LUZP2: variants seen among roughly 807,000 people sequenced by gnomAD.
The protein encoded by LUZP2 is leucine zipper protein 2.
In LUZP2, 52 loss-of-function variants were observed where a neutral mutation model predicts 51.6. That is an observed-to-expected ratio of 1.01 (90% CI 0.81 to 1.27). LUZP2 has a LOEUF of 1.27. Among genes scored for constraint, LUZP2 ranks in the 50% most tolerant of loss-of-function variants. The pLI, the probability that LUZP2 is intolerant of heterozygous loss-of-function variation, is 0.00. For missense variants in LUZP2, 436 were observed against 395.4 expected, an observed-to-expected ratio of 1.10 and a Z score of -0.87; for synonymous variants, 154 against 137.3, an observed-to-expected ratio of 1.12 and a Z score of -0.85.
At position 24,611,959 on chromosome 11, in the gene LUZP2, T is replaced by C. The variant is rs1300505684; in HGVS notation, c.62+114654T>C. 1.3e-5 allele frequency among the ~76,000 whole-genome samples: 2 copies of C among 152,172 alleles called. No homozygotes were observed. Among genetic ancestry groups the C allele is most frequent in the Non-Finnish European group, 2.9e-5 (2 of 68,018 alleles). ...AGAAGTTTAAACTTTGAAAAACATG[T>C]CATTGATGACTTCAGGAAGAAGCAT... On this transcript the variant is annotated intron_variant, in intron 1 of 11. Transcript: ENST00000336930. The surrounding 1 kb of genome is among the most constrained non-coding windows in gnomAD (Gnocchi z 4.6).
At chr11:24,759,517 T>C (rs892671671) in intron 4 of LUZP2, among the ~76,000 whole-genome samples, 2 of 152,150 alleles carry the variant, frequency 1.3e-5, no homozygotes, top group African/African-American at 2.4e-5. Context: ...AGTCTTGACA[T>C]GGTAATGTAT....
At position 24,998,085 on chromosome 11, in the gene LUZP2, A is replaced by T. The variant is rs867374909; in HGVS notation, c.765+14792A>T. Among the ~76,000 whole-genome samples, 165 of 152,056 alleles carry T rather than the reference A, an allele frequency of 1.1e-3. 1 individual carries two copies. Among genetic ancestry groups the T allele is most frequent in the South Asian group, 2.3e-3 (11 of 4,826 alleles). ...TCCAGCTTTGTTCTTTTTGCTTAGGATTGACTTGGCGATGCGGGCTCTGTT... is the reference window on the plus strand; with the variant it reads ...TCCAGCTTTGTTCTTTTTGCTTAGGTTTGACTTGGCGATGCGGGCTCTGTT... On this transcript the variant is annotated intron_variant, in intron 9 of 11. Transcript: ENST00000336930.
At chr11:24,710,985 G>C (rs992294491) in intron 1 of LUZP2, among the ~76,000 whole-genome samples, 4 of 149,308 alleles carry the variant, frequency 2.7e-5, no homozygotes, top group African/African-American at 1.0e-4. Flanking sequence ...AAAGAAAGAA[G>C]GGAGGGAGGT....
Position 24,871,242 on chromosome 11 carries a change from T to A in LUZP2, c.397-34749T>A, listed in dbSNP as rs550153285. Among the ~76,000 whole-genome samples, 4 of 152,200 alleles carry A rather than the reference T, an allele frequency of 2.6e-5. No individual in the cohort carries two copies. The South Asian group carries it at 8.3e-4, about 32-fold the overall frequency. On this transcript the variant is annotated intron_variant, in intron 5 of 11. Coordinates refer to ENST00000336930, the MANE Select transcript of LUZP2 (RefSeq NM_001009909.4). ...TTTTAAAAATGAATTTGATATAAAT[T>A]TATATCTCTTTGAATTTAAATTACT... is the stretch of plus-strand genomic sequence containing the variant.
At chr11:24,737,708 A>T (rs1453207095) in intron 3 of LUZP2, among the ~76,000 whole-genome samples, 1 of 152,098 alleles carries the variant, frequency 6.6e-6, no homozygotes, top group Admixed American at 6.6e-5. Flanking sequence ...GACAGGCCTT[A>T]AGTTAAAATA....
At chr11:24,511,146 C>T (rs1435764892) in intron 1 of LUZP2, among the ~76,000 whole-genome samples, 1 of 152,120 alleles carries the variant, frequency 6.6e-6, no homozygotes, top group Non-Finnish European at 1.5e-5. Context: ...TGTGCCTTCC[C>T]TTCTGACTGT....
chr11:24,654,711 G>C (rs1160522838), intron 1 of LUZP2, among the ~76,000 whole-genome samples: 1 of 137,008 alleles, frequency 7.3e-6, no homozygotes, highest in African/African-American at 2.7e-5. Context: ...TTTTAGTAGA[G>C]GCAGGGTTTC....
At chr11:25,052,842 T>C (rs1479486584) in intron 10 of LUZP2, among the ~76,000 whole-genome samples, 1 of 152,146 alleles carries the variant, frequency 6.6e-6, no homozygotes, top group Non-Finnish European at 1.5e-5. Context: ...TTTAGGATCT[T>C]AACCTATGCC....
chr11:25,022,201 A>G (rs950510649), intron 9 of LUZP2, among the ~76,000 whole-genome samples: 10 of 151,970 alleles, frequency 6.6e-5, no homozygotes, highest in African/African-American at 2.4e-4. Context: ...TGTGTCCTCA[A>G]AGTATTGTAA....
intron 5 of LUZP2, among the ~76,000 whole-genome samples, chr11:24,874,954 A>G (rs1464425699): frequency 6.6e-6 from 1 of 152,148 alleles, no homozygotes; most frequent in African/African-American, 2.4e-5. Context: ...TGAGCAAATT[A>G]TCATCCATGA....
intron 5 of LUZP2, chr11:24,786,580 A>G (rs1849251115): frequency 3.4e-6 from 1 of 293,074 alleles, no homozygotes; most frequent in Non-Finnish European, 4.9e-6. Context: ...AATATATAAA[A>G]TATATATTTG....
At chr11:24,596,505 A>T (rs1853448795) in intron 1 of LUZP2, among the ~76,000 whole-genome samples, 1 of 152,178 alleles carries the variant, frequency 6.6e-6, no homozygotes, top group South Asian at 2.1e-4. Context: ...ATAATAGAAT[A>T]CAGTGACTAT....
At chr11:25,064,393 CTCTT>C (rs1314811750) in intron 10 of LUZP2, among the ~76,000 whole-genome samples, 4 of 151,868 alleles carry the variant, frequency 2.6e-5, no homozygotes, top group East Asian at 1.9e-4. Flanking sequence ...ATTTCATTAT[CTCTT>C]TCTTTATGTG....
At chr11:24,517,782 C>A (rs974339989) in intron 1 of LUZP2, among the ~76,000 whole-genome samples, 1 of 151,980 alleles carries the variant, frequency 6.6e-6, no homozygotes. Context: ...CATTTTGCTT[C>A]CCATGGTTAT....
intron 5 of LUZP2, among the ~76,000 whole-genome samples, chr11:24,828,423 A>C (rs1850604863): frequency 6.6e-6 from 1 of 152,138 alleles, no homozygotes; most frequent in African/African-American, 2.4e-5. Flanking sequence ...GAACATGCAA[A>C]AATTCCTGTG....
chr11:24,832,900 A>C (rs58956431), intron 5 of LUZP2, among the ~76,000 whole-genome samples: 1,665 of 148,634 alleles, frequency 0.011, 31 homozygotes, highest in African/African-American at 0.04. Context: ...AGTCCCCTGT[A>C]TAATGAGTAT....
intron 1 of LUZP2, among the ~76,000 whole-genome samples, chr11:24,603,249 C>A (rs971033002): frequency 7.3e-5 from 11 of 151,712 alleles, no homozygotes; most frequent in Non-Finnish European, 1.3e-4. Context: ...GATTTTCCAT[C>A]CTGCCGTTGC....
chr11:24,660,916 G>A (rs1433746907), intron 1 of LUZP2, among the ~76,000 whole-genome samples: 3 of 151,980 alleles, frequency 2.0e-5, no homozygotes, highest in Admixed American at 2.0e-4. Flanking sequence ...TGGGAGGTGT[G>A]GGTCATAGTT....
At chr11:24,632,964 T>C (rs1329134682) in intron 1 of LUZP2, among the ~76,000 whole-genome samples, 2 of 151,916 alleles carry the variant, frequency 1.3e-5, no homozygotes, top group Non-Finnish European at 2.9e-5. Flanking sequence ...CTCAAAGGAG[T>C]AAAACATGTT....
Sources: gnomAD v4.1 joint callset for allele counts (sites outside exome capture counted in the v4.1 genomes callset) on GRCh38, gnomAD v4.1.1 for gene constraint, Gnocchi (gnomAD v3.1) non-coding constraint, MANE v1.5 for transcripts, NCBI Gene and HGNC (gene_info 2026-07-23, HGNC 2026-07-21) for gene names.